The following TMEM117 variants were observed in gnomAD, a reference collection of about 807,000 sequenced individuals.
TMEM117 encodes the protein transmembrane protein 117.
A neutral mutation model predicts 52.4 loss-of-function variants in TMEM117; 27 were observed. The observed-to-expected ratio is 0.51, with a 90% CI of 0.38 to 0.71. The LOEUF (loss-of-function observed/expected upper bound fraction) is 0.71, where lower values mean the gene tolerates loss of function less well. Among genes scored for constraint, TMEM117 ranks in the 30% least tolerant of loss-of-function variants. The pLI is 0.00. For missense variants in TMEM117, 556 were observed against 630.5 expected (o/e 0.88, Z 1.26); for synonymous variants, 215 against 206.3 (o/e 1.04, Z -0.36).
chr12:44,168,749 A>G (rs1011849756), intron 4 of TMEM117, among the ~76,000 whole-genome samples: 3 of 152,240 alleles, frequency 2.0e-5, no homozygotes, highest in African/African-American at 7.2e-5. Context: ...TTTTAAGTGT[A>G]GAGTCTGGTG....
intron 3 of TMEM117, among the ~76,000 whole-genome samples, chr12:43,991,204 A>G (rs1163564828): frequency 1.3e-5 from 2 of 152,188 alleles, no homozygotes; most frequent in African/African-American, 2.4e-5. Context: ...TTAATGATCA[A>G]GTCATGCATC....
At chr12:44,103,775 C>T (rs11613957) in intron 3 of TMEM117, among the ~76,000 whole-genome samples, 15,630 of 151,790 alleles carry the variant, frequency 0.1, 892 homozygotes, top group Middle Eastern at 0.2. Flanking sequence ...GAGTCGATAC[C>T]ATCATTTTTC....
At position 44,348,041 on chromosome 12, in the gene TMEM117, C is replaced by T. The variant is rs147097973; in HGVS notation, c.769-28554C>T. ...ATGGAAACTACTGCTAGTTAGAGTC[C>T]TACATGGACATCATCTTAAAAAGAA... On this transcript the variant is annotated intron_variant, in intron 6 of 7. Transcript: ENST00000266534. Among the ~76,000 whole-genome samples the T allele has an allele frequency of 2.8e-4, 42 of 151,950 alleles. No individual in the cohort carries two copies. In the East Asian group the frequency reaches 7.8e-3, roughly 28 times the overall value.
At chr12:43,819,171 A>T in the TMEM117 span, among the ~76,000 whole-genome samples, 1 of 152,194 alleles carries the variant, frequency 6.6e-6, no homozygotes, top group Non-Finnish European at 1.5e-5. Flanking sequence ...TGTAGACCTA[A>T]AAATCCACTT....
At chr12:43,971,779 T>C (rs1025725383) in intron 3 of TMEM117, among the ~76,000 whole-genome samples, 1 of 152,224 alleles carries the variant, frequency 6.6e-6, no homozygotes, top group African/African-American at 2.4e-5. Context: ...AGATCTGTCC[T>C]CTTAACAAAT....
chr12:44,147,925 C>CT (rs1948667624), intron 4 of TMEM117, among the ~76,000 whole-genome samples: 1 of 145,552 alleles, frequency 6.9e-6, no homozygotes, highest in Admixed American at 7.0e-5. Flanking sequence ...GAGCGAGACT[C>CT]TGTCTCAAAA....
chr12:44,342,523 A>G (rs2138755054), intron 6 of TMEM117, among the ~76,000 whole-genome samples: 1 of 152,186 alleles, frequency 6.6e-6, no homozygotes, highest in African/African-American at 2.4e-5. Flanking sequence ...TCTAAATTAT[A>G]CAAACACAGA....
intron 3 of TMEM117, among the ~76,000 whole-genome samples, chr12:44,120,519 C>T (rs149765368): frequency 6.6e-6 from 1 of 152,270 alleles, no homozygotes; most frequent in East Asian, 1.9e-4. Flanking sequence ...GGGTAAAAAG[C>T]TAGCCATGTA....
chr12:43,843,047 A>G (rs576980096), intron 1 of TMEM117, among the ~76,000 whole-genome samples: 1 of 152,308 alleles, frequency 6.6e-6, no homozygotes, highest in African/African-American at 2.4e-5. Context: ...AAATGAAGTG[A>G]CAGGAATGAT....
chr12:44,241,153 AAAACACAATAT>A (rs1950056748), intron 5 of TMEM117, among the ~76,000 whole-genome samples: 1 of 152,004 alleles, frequency 6.6e-6, no homozygotes, highest in Non-Finnish European at 1.5e-5. Context: ...AATACAATGT[AAAACACAATAT>A]AAGCAGTTGT....
chr12:43,844,537 T>G (rs187470282), intron 1 of TMEM117, 87 bp from the exon 2 acceptor site: 54 of 1,209,496 alleles, frequency 4.5e-5, no homozygotes, highest in Non-Finnish European at 6.3e-5. Context: ...TACATTTTTA[T>G]GGAACTGTTA....
At chr12:44,137,096 CAAAAAAAAAAAAA>C (rs201028902) in intron 3 of TMEM117, among the ~76,000 whole-genome samples, 1 of 98,440 alleles carries the variant, frequency 1.0e-5, no homozygotes, top group Non-Finnish European at 2.3e-5. Flanking sequence ...TTTCATTTGC[CAAAAAAAAAAAAA>C]AAAGATACAT....
chr12:43,857,947 C>T (rs1299842169), intron 2 of TMEM117, among the ~76,000 whole-genome samples: 1 of 152,106 alleles, frequency 6.6e-6, no homozygotes, highest in Non-Finnish European at 1.5e-5. Context: ...CTATGTTGCC[C>T]TGCACGGTTC....
intron 4 of TMEM117, among the ~76,000 whole-genome samples, chr12:44,202,793 CT>C (rs1555132515): frequency 0.012 from 1,735 of 142,540 alleles, 11 homozygotes; most frequent in African/African-American, 0.03. Context: ...GAAGTGGTAG[CT>C]TTTTTTTTTT....
chr12:44,069,940 C>T (rs537585329), intron 3 of TMEM117, among the ~76,000 whole-genome samples: 13 of 152,220 alleles, frequency 8.5e-5, no homozygotes, highest in African/African-American at 2.6e-4. Flanking sequence ...CTCAGGCTGG[C>T]GTGCAGTGGC....
At chr12:43,914,894 ACCC>A (rs1348251328) in intron 2 of TMEM117, among the ~76,000 whole-genome samples, 1 of 152,026 alleles carries the variant, frequency 6.6e-6, no homozygotes, top group South Asian at 2.1e-4. Context: ...AAGTTCTGGT[ACCC>A]CCTCCTTCAG....
chr12:44,239,576 GTATTCAGT>G (rs1810557736), intron 5 of TMEM117, among the ~76,000 whole-genome samples: 1 of 152,028 alleles, frequency 6.6e-6, no homozygotes, highest in South Asian at 2.1e-4. Flanking sequence ...AATTTGTTCA[GTATTCAGT>G]TATAGAAACT....
At chr12:44,008,469 A>T (rs547530789) in intron 3 of TMEM117, among the ~76,000 whole-genome samples, 20 of 152,368 alleles carry the variant, frequency 1.3e-4, no homozygotes, top group Admixed American at 3.3e-4. Context: ...ACTGAAGATG[A>T]AATGCTGAAT....
intron 4 of TMEM117, among the ~76,000 whole-genome samples, chr12:44,200,814 A>G (rs1325415322): frequency 2.0e-5 from 3 of 152,150 alleles, no homozygotes; most frequent in Non-Finnish European, 2.9e-5. Context: ...GCCAGACTCT[A>G]AAAGCCCTGG....
Sources: gnomAD v4.1 joint callset for allele counts (sites outside exome capture counted in the v4.1 genomes callset) on GRCh38, gnomAD v4.1.1 for gene constraint, MANE v1.5 for transcripts, NCBI Gene and HGNC (gene_info 2026-07-23, HGNC 2026-07-21) for gene names.